RGS12: variants seen among roughly 807,000 people sequenced by gnomAD.
RGS12 encodes regulator of G protein signaling 12, also known as regulator of G-protein signaling 12.
In RGS12, 66 loss-of-function variants were observed where a neutral mutation model predicts 120.1. That is an observed-to-expected ratio of 0.55 (90% confidence interval 0.45 to 0.67). The LOEUF (loss-of-function observed/expected upper bound fraction) is 0.67. RGS12 is among the 30% of genes least tolerant of loss of function. The pLI, the probability that RGS12 is intolerant of heterozygous loss-of-function variation, is 0.00. For synonymous variants in RGS12, 827 were observed against 804.7 expected (o/e 1.03, Z -0.47); for missense variants, 1,859 against 1,957.7 (o/e 0.95, Z 0.95).
At chr4:3,303,045 T>A (rs1723772882) in intron 1 of RGS12, among the ~76,000 whole-genome samples, 1 of 151,998 alleles carries the variant, frequency 6.6e-6, no homozygotes, top group African/African-American at 2.4e-5. Context: ...CTTGAATGAA[T>A]AAACGAATGA....
intron 2 of RGS12, 141 bp downstream of exon 2, chr4:3,318,192 T>C: frequency 1.4e-6 from 1 of 723,682 alleles, no homozygotes. Context: ...TCACAGGGTG[T>C]CTGCGTTGCC....
intron 3 of RGS12, among the ~76,000 whole-genome samples, chr4:3,367,229 G>A (rs1176788141): frequency 1.3e-5 from 2 of 152,254 alleles, no homozygotes; most frequent in African/African-American, 4.8e-5. Context: ...CCCACTTGCC[G>A]AGCTCACCAC....
intron 2 of RGS12, among the ~76,000 whole-genome samples, chr4:3,336,758 C>CGCAACCCACAGAATGAAG (rs915705152): frequency 1.3e-5 from 2 of 152,088 alleles, no homozygotes; most frequent in Non-Finnish European, 2.9e-5. Flanking sequence ...CATTAAAAAA[C>CGCAACCCACAGAATGAAG]GCAACCCACA....
At chr4:3,438,916 T>A (rs1272550331) in intron 17 of RGS12, among the ~76,000 whole-genome samples, 1 of 151,904 alleles carries the variant, frequency 6.6e-6, no homozygotes, top group Non-Finnish European at 1.5e-5. Flanking sequence ...AAGACGGTGC[T>A]GAGGCAGCGA....
chr4:3,345,378 T>C (rs942226829), intron 3 of RGS12, among the ~76,000 whole-genome samples: 19 of 152,240 alleles, frequency 1.2e-4, no homozygotes, highest in African/African-American at 4.6e-4. Context: ...TCCATTTTCT[T>C]TCTGACAACT....
At chr4:3,380,979 G>A (rs370622302) in intron 3 of RGS12, among the ~76,000 whole-genome samples, 15 of 152,140 alleles carry the variant, frequency 9.9e-5, no homozygotes, top group African/African-American at 3.6e-4. Context: ...CTGTCACATC[G>A]TCAGGCTGCA....
At chr4:3,305,894 C>G (rs1162070692) in intron 1 of RGS12, among the ~76,000 whole-genome samples, 8 of 152,254 alleles carry the variant, frequency 5.3e-5, no homozygotes. Flanking sequence ...CAGCCTGCTT[C>G]CTGCTGATAG....
chr4:3,371,857 C>T (rs1359128244), intron 3 of RGS12, among the ~76,000 whole-genome samples: 1 of 152,206 alleles, frequency 6.6e-6, no homozygotes, highest in African/African-American at 2.4e-5. Context: ...TTTTGGAGTT[C>T]CGTGTGTCTC....
intron 2 of RGS12, among the ~76,000 whole-genome samples, chr4:3,336,332 C>A (rs1433243069): frequency 6.6e-6 from 1 of 152,232 alleles, no homozygotes; most frequent in Admixed American, 6.5e-5. Context: ...CCAAGCTACC[C>A]CTTCTCTACA....
In RGS12 at chr4:3,423,580, A is replaced by C. The variant is rs761601032; in HGVS notation, c.3173A>C (p.Glu1058Ala). ...GCCAAGCCCACCAAGCCCGTCACGGAGGTGCTGCGGCCCGTGGTGGCCAGA... is the reference window on the plus strand; with the variant it reads ...GCCAAGCCCACCAAGCCCGTCACGGCGGTGCTGCGGCCCGTGGTGGCCAGA... ...LKAKPTKPVT[E>A]VLRPVVARYG... Residue 1058 changes from glutamate to alanine, a missense_variant, in exon 13 of 18, where the codon GAG becomes GCG. By Grantham distance (107) the Glu-to-Ala change is moderately radical. Coordinates refer to ENST00000336727, the MANE Select transcript of RGS12 (RefSeq NM_001394154.1). 17 of 1,612,716 alleles carry C rather than the reference A, an allele frequency of 1.1e-5. No individual in the cohort carries two copies. In the South Asian group the frequency reaches 1.9e-4, roughly 18 times the overall value.
intron 4 of RGS12, among the ~76,000 whole-genome samples, chr4:3,406,222 G>T (rs1440670501): frequency 6.6e-6 from 1 of 152,244 alleles, no homozygotes; most frequent in Non-Finnish European, 1.5e-5. Context: ...CGGGCTCAGA[G>T]CCTGCACCCA....
At chr4:3,431,710 TC>T in intron 17 of RGS12, 2 of 985,504 alleles carry the variant, frequency 2.0e-6, no homozygotes, top group Non-Finnish European at 2.4e-6. Flanking sequence ...TGCGTGGCCA[TC>T]CCCTGGAGAG....
rs1433769455 is a variant in RGS12 at position 3,372,042 on chromosome 4, G to C, written c.1999-14374G>C. 6.6e-6 allele frequency among the ~76,000 whole-genome samples: 1 copy of C among 152,180 alleles called. No individual in the cohort carries two copies. Among genetic ancestry groups the C allele is most frequent in the African/African-American group, 2.4e-5 (1 of 41,452 alleles). ...CCTGGCTTTGGCAGGCCGGGAAGAT[G>C]CCCGTGCCTGTCACCTAATCGGGGC... On this transcript the variant is annotated intron_variant, in intron 3 of 17. Coordinates refer to ENST00000336727, the MANE Select transcript of RGS12 (RefSeq NM_001394154.1). This position sits in a 1 kb window ranked among gnomAD's most constrained non-coding sequence, Gnocchi z 4.3.
chr4:3,428,147 G>C lies in RGS12; in HGVS notation c.3389G>C (p.Ser1130Thr), dbSNP rs746562499. 8.1e-6 allele frequency: 13 copies of C among 1,613,706 alleles called. No individual in the cohort carries two copies. Among genetic ancestry groups the C allele is most frequent in the Non-Finnish European group, 1.1e-5 (13 of 1,179,838 alleles). Reference protein sequence around the residue: ...PVKQNTAVNSSSRNHSATGEE... With the variant: ...PVKQNTAVNSTSRNHSATGEE... Reference sequence around the variant, plus strand: ...AAACAGAACACAGCTGTAAATTCCAGCTCCAGAAACCACTCGGCTACGGTA... The same window carrying C: ...AAACAGAACACAGCTGTAAATTCCACCTCCAGAAACCACTCGGCTACGGTA... The change falls in exon 15 of 18, where the codon AGC (serine) becomes ACC (threonine). Residue 1130 changes from serine (S) to threonine (T), a missense_variant. Transcript: ENST00000336727.
chr4:3,312,445 G>T lies in RGS12; in HGVS notation c.-101-3625G>T. On this transcript the variant is annotated intron_variant, in intron 1 of 17. Transcript: ENST00000336727. ...CGTGGTGAACACTGTGGACCTGTGA[G>T]GGTGTGAGGGTTGCGTTCCTGCGTT... 2.4e-5 allele frequency: 5 copies of T among 211,400 alleles called. No individual in the cohort carries two copies. In the South Asian group the frequency reaches 3.5e-4, roughly 15 times the overall value. 13.1% of individuals were successfully genotyped at this position (211,400 alleles called of 1,614,324 possible).
intron 4 of RGS12, among the ~76,000 whole-genome samples, chr4:3,404,450 C>G (rs560760381): frequency 6.6e-6 from 1 of 152,166 alleles, no homozygotes; most frequent in Non-Finnish European, 1.5e-5. Flanking sequence ...TTAAGCTGGG[C>G]GAGTAAGTAG....
chr4:3,345,612 G>A (rs2108786505), intron 3 of RGS12, among the ~76,000 whole-genome samples: 1 of 152,308 alleles, frequency 6.6e-6, no homozygotes, highest in East Asian at 1.9e-4. Flanking sequence ...TGGCCCTCAG[G>A]CGCAGTCTAC....
At chr4:3,423,727 C>A in intron 13 of RGS12, 86 bp downstream of exon 13, 1 of 1,499,276 alleles carries the variant, frequency 6.7e-7, no homozygotes, top group Admixed American at 1.9e-5. Context: ...CTGAAGAGGG[C>A]ACACCAAGAA....
At chr4:3,325,209 C>T (rs966808385) in intron 2 of RGS12, among the ~76,000 whole-genome samples, 1 of 152,056 alleles carries the variant, frequency 6.6e-6, no homozygotes, top group South Asian at 2.1e-4. Context: ...TTCAGGAATG[C>T]GGCTTAAGTT....
Sources: allele counts gnomAD v4.1 joint callset (sites outside exome capture counted in the v4.1 genomes callset), GRCh38; gene constraint gnomAD v4.1.1; non-coding constraint Gnocchi (gnomAD v3.1); transcripts MANE v1.5; gene names NCBI Gene and HGNC (gene_info 2026-07-23, HGNC 2026-07-21).